Variants in PARD3B observed in about 807,000 individuals in gnomAD.
PARD3B encodes par-3 family cell polarity regulator beta.
PARD3B carries 103 observed loss-of-function variants against 130.2 expected under a neutral mutation model. That is an observed-to-expected ratio of 0.79 (90% confidence interval 0.67 to 0.93). PARD3B has a LOEUF of 0.93. Among genes scored for constraint, PARD3B ranks in the 40% least tolerant of loss-of-function variants. The pLI is 0.00. For synonymous variants in PARD3B, 583 were observed against 553.2 expected (o/e 1.05, Z -0.76); for missense variants, 1,609 against 1,499.2 (o/e 1.07, Z -1.21).
At chr2:204,715,814 A>G (rs1457080428) in intron 2 of PARD3B, among the ~76,000 whole-genome samples, 2 of 152,140 alleles carry the variant, frequency 1.3e-5, no homozygotes, top group African/African-American at 4.8e-5. Flanking sequence ...GCCCTGGTCA[A>G]CGTCCCATCC....
chr2:205,340,477 C>T (rs1606238), intron 18 of PARD3B, among the ~76,000 whole-genome samples: 3 of 151,840 alleles, frequency 2.0e-5, no homozygotes, highest in African/African-American at 7.3e-5. Flanking sequence ...TTTTCAACAA[C>T]GGCATCAATA....
In PARD3B at chr2:204,705,809, AC is replaced by A. The variant is rs1199183218; in HGVS notation, c.222+19528del. On this transcript the variant is annotated intron_variant, in intron 2 of 22. Transcript: ENST00000406610. ...GAAGTGTGTGGAGGCAGCAGCAGGTACTTAAGTTTGACCGAACGCTAGCCAA... is the reference window on the plus strand; with the variant it reads ...GAAGTGTGTGGAGGCAGCAGCAGGTATTAAGTTTGACCGAACGCTAGCCAA... Among the ~76,000 whole-genome samples the A allele has an allele frequency of 2.6e-5, 4 of 152,156 alleles. No individual in the cohort carries two copies. The South Asian group carries it at 6.2e-4, about 24-fold the overall frequency.
At chr2:205,139,677 A>G (rs2032785508) in intron 10 of PARD3B, among the ~76,000 whole-genome samples, 1 of 152,206 alleles carries the variant, frequency 6.6e-6, no homozygotes, top group Non-Finnish European at 1.5e-5. Context: ...TCATAAAGAG[A>G]TAGAAGTGTA....
rs1474323079 is a variant in PARD3B, at chr2:205,449,047, T to C, written c.3044+8375T>C. 2.7e-5 allele frequency among the ~76,000 whole-genome samples: 4 copies of C among 150,440 alleles called. No individual in the cohort carries two copies. In the Admixed American group the frequency reaches 2.7e-4, roughly 10 times the overall value. ...TGGGCGTGGTGGCCCATGCCTGTAA[T>C]CCCAGCTACTTGGGAGGCTGAGGCA... On this transcript the variant is annotated intron_variant, in intron 20 of 22. Transcript: ENST00000406610.
intron 2 of PARD3B, among the ~76,000 whole-genome samples, chr2:204,825,660 C>T (rs1243745535): frequency 6.6e-6 from 1 of 152,176 alleles, no homozygotes; most frequent in African/African-American, 2.4e-5. Flanking sequence ...CCACATGAGT[C>T]AAGCACCAAG....
chr2:205,150,185 A>G (rs756176060), intron 10 of PARD3B, among the ~76,000 whole-genome samples: 24 of 150,706 alleles, frequency 1.6e-4, no homozygotes, highest in Non-Finnish European at 3.1e-4. Flanking sequence ...AATTCACAAG[A>G]TTTCCCTTAC....
chr2:204,557,415 G>A lies in PARD3B; in HGVS notation c.120+11296G>A, dbSNP rs183039618. ...CTCATATTCCACCACATGTCCAGTC[G>A]CTCAGAAATTTCCTTTGATGCTTTG... is the stretch of plus-strand genomic sequence containing the variant. On this transcript the variant is annotated intron_variant, in intron 1 of 22. Coordinates refer to ENST00000406610, the MANE Select transcript of PARD3B (RefSeq NM_001302769.2). 3.8e-3 allele frequency among the ~76,000 whole-genome samples: 572 copies of A among 152,162 alleles called. 3 individuals carry two copies. Among genetic ancestry groups the A allele is most frequent in the African/African-American group, 0.013 (543 of 41,514 alleles).
In PARD3B at chr2:204,689,683, G is replaced by C. The variant is rs2037265454; in HGVS notation, c.222+3401G>C. Among the ~76,000 whole-genome samples the C allele has an allele frequency of 6.6e-6, 1 of 152,108 alleles. No homozygotes were observed. Among genetic ancestry groups the C allele is most frequent in the South Asian group, 2.1e-4 (1 of 4,830 alleles). On this transcript the variant is annotated intron_variant, in intron 2 of 22. Transcript: ENST00000406610. This position sits in a 1 kb window ranked among gnomAD's most constrained non-coding sequence, Gnocchi z 5.2. ...TTCTACGTTATTTTAAAGCAATCCTGAAGACAAGAGCTAGTGTTATCCCTA... is the reference window on the plus strand; with the variant it reads ...TTCTACGTTATTTTAAAGCAATCCTCAAGACAAGAGCTAGTGTTATCCCTA...
intron 2 of PARD3B, among the ~76,000 whole-genome samples, chr2:204,721,830 G>A (rs2039010868): frequency 6.6e-6 from 1 of 152,008 alleles, no homozygotes; most frequent in African/African-American, 2.4e-5. Flanking sequence ...AATTTTGAAT[G>A]AACTTTTAAT....
In PARD3B at chr2:205,128,676, A is replaced by AT. The variant is rs1203779412; in HGVS notation, c.1434+2948dup. ...AAGTTCTCAAAATACGTTAGCTATA[A>AT]TTTTTTTTTCTAATACATGACCATT... is the stretch of plus-strand genomic sequence containing the variant. On this transcript the variant is annotated intron_variant, in intron 10 of 22. Transcript: ENST00000406610. This position sits in a 1 kb window ranked among gnomAD's most constrained non-coding sequence, Gnocchi z 4.5. Among the ~76,000 whole-genome samples the AT allele has an allele frequency of 2.0e-5, 3 of 151,846 alleles. No homozygotes were observed. The highest frequency in any genetic ancestry group is 7.2e-5 in the African/African-American group (3 of 41,434).
chr2:204,621,614 G>T (rs1194217711), intron 1 of PARD3B, among the ~76,000 whole-genome samples: 1 of 151,984 alleles, frequency 6.6e-6, no homozygotes, highest in Non-Finnish European at 1.5e-5. Context: ...TAAATAAAGC[G>T]GTATATTTAA....
chr2:205,179,756 A>G (rs1462853157), intron 13 of PARD3B, among the ~76,000 whole-genome samples: 1 of 152,244 alleles, frequency 6.6e-6, no homozygotes, highest in African/African-American at 2.4e-5. Context: ...ACATTGAGAT[A>G]CTTAAGTAAA....
At chr2:205,472,028 A>C (rs958685862) in intron 20 of PARD3B, among the ~76,000 whole-genome samples, 2 of 152,182 alleles carry the variant, frequency 1.3e-5, no homozygotes, top group Non-Finnish European at 2.9e-5. Context: ...AGTGTGTTTG[A>C]GGGCTCTTTT....
At chr2:205,424,355 G>A (rs1306047095) in intron 19 of PARD3B, among the ~76,000 whole-genome samples, 6 of 152,086 alleles carry the variant, frequency 3.9e-5, no homozygotes, top group East Asian at 1.9e-4. Context: ...TGTGGAAGTC[G>A]GTGGTACTTC....
At chr2:205,139,058 G>T (rs140152747) in intron 10 of PARD3B, among the ~76,000 whole-genome samples, 1 of 152,046 alleles carries the variant, frequency 6.6e-6, no homozygotes, top group Non-Finnish European at 1.5e-5. Flanking sequence ...CATAGAACAT[G>T]GTTAACTATA....
At chr2:205,225,817 A>G (rs1245188504) in intron 15 of PARD3B, among the ~76,000 whole-genome samples, 1 of 152,226 alleles carries the variant, frequency 6.6e-6, no homozygotes, top group African/African-American at 2.4e-5. Flanking sequence ...ATCCACCCCC[A>G]TGATCAAATT....
intron 2 of PARD3B, among the ~76,000 whole-genome samples, chr2:204,766,675 C>T (rs1188817495): frequency 6.6e-6 from 1 of 151,766 alleles, no homozygotes; most frequent in Non-Finnish European, 1.5e-5. Context: ...ATGCAGACAT[C>T]AGTGCTGTTA....
chr2:205,051,193 T>G (rs1699167408), intron 4 of PARD3B, among the ~76,000 whole-genome samples: 1 of 152,104 alleles, frequency 6.6e-6, no homozygotes. Flanking sequence ...TCTCTTGGAT[T>G]TTGTACTTGG....
chr2:205,538,566 C>T (rs1277246315), intron 21 of PARD3B, among the ~76,000 whole-genome samples: 1 of 152,136 alleles, frequency 6.6e-6, no homozygotes, highest in African/African-American at 2.4e-5. Context: ...TAAAAAAAGA[C>T]ACTTTCATAA....
Sources: gnomAD v4.1 joint callset for allele counts (sites outside exome capture counted in the v4.1 genomes callset) on GRCh38, gnomAD v4.1.1 for gene constraint, Gnocchi (gnomAD v3.1) non-coding constraint, MANE v1.5 for transcripts, NCBI Gene and HGNC (gene_info 2026-07-23, HGNC 2026-07-21) for gene names.